The following OR51B5 variants were observed in gnomAD, a reference collection of about 807,000 sequenced individuals.
The protein encoded by OR51B5 is olfactory receptor 51B5.
For missense variants in OR51B5, 456 were observed against 374.6 expected (o/e 1.22, Z -1.79); for synonymous variants, 186 against 144.8 (o/e 1.28, Z -2.04).
rs116332138 is a variant in OR51B5 at position 5,409,889 on chromosome 11, G to A, written n.85-62979C>T. 8.9e-3 allele frequency among the ~76,000 whole-genome samples: 1,253 copies of A among 141,442 alleles called. 20 individuals are homozygous for A. Among genetic ancestry groups the A allele is most frequent in the African/African-American group, 0.03 (1,200 of 39,428 alleles). The allele number at this position is 141,442 out of a possible 152,430, so 92.8% of individuals were successfully genotyped here. A position where few individuals can be genotyped will look rare whatever the true frequency, so the allele number is the denominator to read the frequency against. ...AACCAGTAACAAAGAGAAATACACT[G>A]AAGTCAGTCAGAGGAAAATGTCTCA... On this transcript the variant is annotated intron_variant and non_coding_transcript_variant, in intron 1 of 4. Coordinates refer to the OR51B5 transcript ENST00000415970.
intron 1 of OR51B5, chr11:5,423,085 T>G: frequency 6.2e-7 from 1 of 1,613,800 alleles, no homozygotes; most frequent in Non-Finnish European, 8.5e-7. Context: ...TCATTTACAG[T>G]GTAAAGAACA....
At chr11:5,408,563 A>T (rs1183159782) in intron 1 of OR51B5, among the ~76,000 whole-genome samples, 1 of 152,182 alleles carries the variant, frequency 6.6e-6, no homozygotes, top group East Asian at 1.9e-4. Flanking sequence ...GCTATTAGCT[A>T]GAGACTGGTC....
chr11:5,386,841 A>C (rs1589968065), intron 1 of OR51B5, among the ~76,000 whole-genome samples: 1 of 52,238 alleles, frequency 1.9e-5, no homozygotes, highest in Non-Finnish European at 4.4e-5. Context: ...GTAGAGCATC[A>C]GCTCAAAAAT....
chr11:5,449,872 T>A (rs974156299), intron 1 of OR51B5, among the ~76,000 whole-genome samples: 1 of 152,150 alleles, frequency 6.6e-6, no homozygotes, highest in Non-Finnish European at 1.5e-5. Flanking sequence ...AAACTGTAGA[T>A]GAACAATGAA....
rs1490130910 is a variant in OR51B5 at position 5,417,287 on chromosome 11, T to A, written n.85-70377A>T. Among the ~76,000 whole-genome samples, 331 of 149,222 alleles carry A rather than the reference T, an allele frequency of 2.2e-3. 1 individual carries two copies. The highest frequency in any genetic ancestry group is 4.0e-3 in the Non-Finnish European group (264 of 66,808). On this transcript the variant is annotated intron_variant and non_coding_transcript_variant, in intron 1 of 4. Transcript: ENST00000415970. ...ATACAAAAATTAATTCAAGATGGAT[T>A]AAAGACTTAAACGTTAGACCTAAAA...
intron 1 of OR51B5, among the ~76,000 whole-genome samples, chr11:5,469,625 G>C (rs1851195999): frequency 6.6e-6 from 1 of 152,144 alleles, no homozygotes; most frequent in Non-Finnish European, 1.5e-5. Flanking sequence ...CCTTAGATCT[G>C]TCATGAGCTC....
chr11:5,451,612 A>G (rs145531074), intron 1 of OR51B5, among the ~76,000 whole-genome samples: 1 of 152,298 alleles, frequency 6.6e-6, no homozygotes, highest in East Asian at 1.9e-4. Context: ...GGATATTTTA[A>G]AAATGCTTCC....
At chr11:5,478,737 G>A (rs898130330) in intron 1 of OR51B5, among the ~76,000 whole-genome samples, 2,666 of 151,390 alleles carry the variant, frequency 0.018, 39 homozygotes, top group Non-Finnish European at 0.021. Context: ...GAGCCGATGC[G>A]ATCAACTGGA....
At chr11:5,369,699 C>G (rs1194551962) in intron 1 of OR51B5, among the ~76,000 whole-genome samples, 3 of 152,108 alleles carry the variant, frequency 2.0e-5, no homozygotes, top group African/African-American at 7.2e-5. Flanking sequence ...TGCAACTTTT[C>G]TACACATTTA....
chr11:5,390,842 A>G (rs11037191), intron 1 of OR51B5: 7,704 of 156,454 alleles, frequency 0.049, 311 homozygotes, highest in East Asian at 0.17. Flanking sequence ...ATCTTTTTCT[A>G]TCCTGGTCAG....
chr11:5,367,673 A>G (rs1030134203), intron 1 of OR51B5, among the ~76,000 whole-genome samples: 3 of 152,126 alleles, frequency 2.0e-5, no homozygotes, highest in East Asian at 3.9e-4. Flanking sequence ...CCTGTGACTG[A>G]GAATGCCTAA....
chr11:5,498,441 C>G (rs372565229), intron 1 of OR51B5, among the ~76,000 whole-genome samples: 6 of 152,064 alleles, frequency 3.9e-5, no homozygotes, highest in African/African-American at 1.4e-4. Context: ...CACTGGATGC[C>G]CTGGCCAACA....
At chr11:5,406,420 A>G (rs908290723) in intron 1 of OR51B5, among the ~76,000 whole-genome samples, 145 of 152,286 alleles carry the variant, frequency 9.5e-4, no homozygotes, top group Non-Finnish European at 1.3e-4. Context: ...ACACAGTGAA[A>G]AGAATCTTGG....
intron 1 of OR51B5, among the ~76,000 whole-genome samples, chr11:5,441,682 T>C (rs533036105): frequency 6.6e-6 from 1 of 152,322 alleles, no homozygotes; most frequent in African/African-American, 2.4e-5. Context: ...AACCGGGTTC[T>C]AATCGTTTGT....
intron 1 of OR51B5, among the ~76,000 whole-genome samples, chr11:5,457,342 T>C (rs1850975339): frequency 2.0e-5 from 3 of 152,352 alleles, no homozygotes; most frequent in South Asian, 2.1e-4. Context: ...TAGTATTCCA[T>C]GGTATATATG....
At chr11:5,497,732 T>A (rs1851669965) in intron 1 of OR51B5, among the ~76,000 whole-genome samples, 1 of 152,166 alleles carries the variant, frequency 6.6e-6, no homozygotes, top group Admixed American at 6.5e-5. Flanking sequence ...ACTCCTATTT[T>A]AACAATCTCT....
intron 1 of OR51B5, among the ~76,000 whole-genome samples, chr11:5,417,547 C>T (rs1850262047): frequency 6.7e-6 from 1 of 149,478 alleles, no homozygotes; most frequent in Non-Finnish European, 1.5e-5. Flanking sequence ...GGGCTAATAT[C>T]CAGAATCTAC....
intron 1 of OR51B5, chr11:5,352,161 G>T: frequency 6.2e-7 from 1 of 1,614,142 alleles, no homozygotes; most frequent in Non-Finnish European, 8.5e-7. Flanking sequence ...CCTACATTTT[G>T]ATTCTCAAGA....
intron 1 of OR51B5, among the ~76,000 whole-genome samples, chr11:5,481,929 C>T (rs1357826842): frequency 2.3e-5 from 3 of 131,818 alleles, no homozygotes; most frequent in Non-Finnish European, 4.6e-5. Flanking sequence ...GGCCATACTG[C>T]CCAAGGTAAT....
Sources: gnomAD v4.1 joint callset for allele counts (sites outside exome capture counted in the v4.1 genomes callset) on GRCh38, gnomAD v4.1.1 for gene constraint, MANE v1.5 for transcripts, NCBI Gene and HGNC (gene_info 2026-07-23, HGNC 2026-07-21) for gene names.